RSU1: variants seen among roughly 807,000 people sequenced by gnomAD.
RSU1 encodes rsu-1.
A neutral mutation model predicts 31.1 loss-of-function variants in RSU1; 26 were observed. That is an observed-to-expected ratio of 0.84 (90% CI 0.61 to 1.16). The LOEUF is 1.16. Ranked by LOEUF, RSU1 falls within the 50% of genes most tolerant of loss-of-function variation. RSU1 has a pLI of 0.00. For synonymous variants in RSU1, 164 were observed against 136.3 expected (o/e 1.20, Z -1.41); for missense variants, 320 against 339.1 (o/e 0.94, Z 0.44).
intron 7 of RSU1, among the ~76,000 whole-genome samples, chr10:16,700,984 T>A (rs960823832): frequency 5.9e-5 from 9 of 152,208 alleles, no homozygotes; most frequent in African/African-American, 2.2e-4. Context: ...TAAATGTTTA[T>A]GTGTAAAAGA....
chr10:16,639,213 C>T (rs1474875859), intron 8 of RSU1, among the ~76,000 whole-genome samples: 1 of 152,212 alleles, frequency 6.6e-6, no homozygotes, highest in African/African-American at 2.4e-5. Flanking sequence ...TGATCAAAAT[C>T]ACACGTGACT....
chr10:16,683,014 A>C (rs1398802084), intron 8 of RSU1, among the ~76,000 whole-genome samples: 1 of 152,198 alleles, frequency 6.6e-6, no homozygotes, highest in African/African-American at 2.4e-5. Context: ...AATTCAAAGC[A>C]GCTTTTGTTT....
At chr10:16,814,302 G>A (rs1564367378) in intron 2 of RSU1, among the ~76,000 whole-genome samples, 3 of 151,986 alleles carry the variant, frequency 2.0e-5, no homozygotes, top group Non-Finnish European at 4.4e-5. Context: ...AAAACCATTA[G>A]CCAGGCGTGG....
intron 8 of RSU1, among the ~76,000 whole-genome samples, chr10:16,664,753 C>A (rs1276521444): frequency 6.6e-6 from 1 of 152,210 alleles, no homozygotes; most frequent in Non-Finnish European, 1.5e-5. Context: ...TCTTTCCTAA[C>A]ATCATCTTCT....
chr10:16,731,705 A>C (rs1002939255), intron 7 of RSU1, among the ~76,000 whole-genome samples: 7 of 152,232 alleles, frequency 4.6e-5, no homozygotes, highest in African/African-American at 1.7e-4. Flanking sequence ...ATTCTAAAAA[A>C]TAGTAACTTG....
chr10:16,757,072 TGTGTGTGCTG>T (rs1837106788), intron 4 of RSU1, among the ~76,000 whole-genome samples: 1 of 107,932 alleles, frequency 9.3e-6, no homozygotes, highest in Non-Finnish European at 1.9e-5. Context: ...ACACGGTATG[TGTGTGTGCTG>T]TGGGTGTGGT....
intron 2 of RSU1, among the ~76,000 whole-genome samples, chr10:16,816,141 A>G (rs2131284351): frequency 6.6e-6 from 1 of 152,370 alleles, no homozygotes. Flanking sequence ...TAGAATTAGT[A>G]GCCAACATCT....
chr10:16,707,376 T>A (rs1212165860), intron 7 of RSU1, among the ~76,000 whole-genome samples: 1 of 152,174 alleles, frequency 6.6e-6, no homozygotes, highest in Non-Finnish European at 1.5e-5. Flanking sequence ...TTTCTCCACA[T>A]CCTTGCCAAC....
At chr10:16,788,377 G>A (rs1026420106) in intron 2 of RSU1, among the ~76,000 whole-genome samples, 1 of 152,128 alleles carries the variant, frequency 6.6e-6, no homozygotes, top group Non-Finnish European at 1.5e-5. Flanking sequence ...ATTGGGAGGC[G>A]GGGCCTTTGG....
chr10:16,737,770 A>C (rs1328780369), intron 7 of RSU1, among the ~76,000 whole-genome samples: 1 of 150,504 alleles, frequency 6.6e-6, no homozygotes, highest in Non-Finnish European at 1.5e-5. Context: ...AAAAAAAAAC[A>C]ATATTACTGG....
Position 16,726,267 on chromosome 10 carries a change from C to CTTTT in RSU1, c.598+26268_598+26271dup, listed in dbSNP as rs760586484. Among the ~76,000 whole-genome samples the CTTTT allele has an allele frequency of 6.3e-3, 865 of 137,012 alleles. 41 individuals are homozygous for CTTTT. Among genetic ancestry groups the CTTTT allele is most frequent in the African/African-American group, 0.02 (682 of 33,746 alleles). 89.9% of individuals were successfully genotyped at this position (137,012 alleles called of 152,430 possible). On this transcript the variant is annotated intron_variant, in intron 7 of 8. Coordinates refer to ENST00000345264, the MANE Select transcript of RSU1 (RefSeq NM_012425.4). The stretch of plus-strand genomic sequence containing the variant: ...CTTTCTGTCTATCTTAGGAACGTAT[C>CTTTT]TTTTTTTTTTTTTTTTTTTGAGACA...
intron 8 of RSU1, among the ~76,000 whole-genome samples, chr10:16,619,441 G>A (rs1170685188): frequency 6.6e-6 from 1 of 152,136 alleles, no homozygotes; most frequent in South Asian, 2.1e-4. Context: ...TAGGCACATC[G>A]GGTTCCCTGC....
rs375703973 is a variant in RSU1, at chr10:16,746,969, G to A, written c.598+5570C>T. Reference sequence around the variant, plus strand: ...TGCATTCCACTGTCCTGTCCTGGCCGAGTTAACTGCATATGTCAGGAAAAA... The same window carrying A: ...TGCATTCCACTGTCCTGTCCTGGCCAAGTTAACTGCATATGTCAGGAAAAA... On this transcript the variant is annotated intron_variant, in intron 7 of 8. Transcript: ENST00000345264. Among the ~76,000 whole-genome samples, 40 of 152,134 alleles carry A rather than the reference G, an allele frequency of 2.6e-4. 1 individual carries two copies. The East Asian group carries it at 7.2e-3, about 27-fold the overall frequency.
intron 2 of RSU1, among the ~76,000 whole-genome samples, chr10:16,801,403 A>G (rs759038961): frequency 7.2e-5 from 11 of 152,218 alleles, no homozygotes; most frequent in Non-Finnish European, 1.5e-4. Flanking sequence ...AAAAACTTAT[A>G]GAAATGCAAA....
intron 7 of RSU1, among the ~76,000 whole-genome samples, chr10:16,743,213 C>T (rs74461103): frequency 0.049 from 7,389 of 152,262 alleles, 565 homozygotes; most frequent in African/African-American, 0.16. Flanking sequence ...CAATCTGTCA[C>T]CTAATAATAA....
At chr10:16,780,197 C>T (rs1837622375) in intron 3 of RSU1, among the ~76,000 whole-genome samples, 2 of 152,152 alleles carry the variant, frequency 1.3e-5, no homozygotes, top group Admixed American at 1.3e-4. Context: ...AAATAAACTA[C>T]AGTGATCTGA....
intron 7 of RSU1, among the ~76,000 whole-genome samples, chr10:16,706,454 T>C (rs1417139289): frequency 6.6e-6 from 1 of 152,222 alleles, no homozygotes; most frequent in African/African-American, 2.4e-5. Flanking sequence ...TTGTGTTTTT[T>C]ATTGTTGCTG....
At chr10:16,628,768 TTAAG>T (rs1834199558) in intron 8 of RSU1, among the ~76,000 whole-genome samples, 1 of 152,314 alleles carries the variant, frequency 6.6e-6, no homozygotes, top group African/African-American at 2.4e-5. Context: ...TGGTTTATAA[TTAAG>T]TTTTTGCCTC....
intron 8 of RSU1, among the ~76,000 whole-genome samples, chr10:16,627,093 T>C (rs1242922569): frequency 6.6e-6 from 1 of 152,236 alleles, no homozygotes; most frequent in Non-Finnish European, 1.5e-5. Context: ...ATTTATAATA[T>C]CACTTCACTG....
Sources: allele counts gnomAD v4.1 joint callset (sites outside exome capture counted in the v4.1 genomes callset), GRCh38; gene constraint gnomAD v4.1.1; transcripts MANE v1.5; gene names NCBI Gene and HGNC (gene_info 2026-07-23, HGNC 2026-07-21).